The following ZNF385D variants were observed in gnomAD, a reference collection of about 807,000 sequenced individuals.
ZNF385D encodes the protein zinc finger protein 659.
A neutral mutation model predicts 35.8 loss-of-function variants in ZNF385D; 15 were observed. That is an observed-to-expected ratio of 0.42 (90% CI 0.28 to 0.64). ZNF385D has a LOEUF of 0.64. Among genes scored for constraint, ZNF385D ranks in the 30% least tolerant of loss-of-function variants. ZNF385D has a pLI of 0.23. For missense variants in ZNF385D, 474 were observed against 494.6 expected (o/e 0.96, Z 0.39); for synonymous variants, 212 against 186.8 (o/e 1.13, Z -1.10).
intron 4 of ZNF385D, among the ~76,000 whole-genome samples, chr3:21,445,842 C>G (rs906212111): frequency 6.6e-6 from 1 of 152,144 alleles, no homozygotes; most frequent in Non-Finnish European, 1.5e-5. Flanking sequence ...TATCATTGAC[C>G]TCCTAAGTGA....
intron 3 of ZNF385D, among the ~76,000 whole-genome samples, chr3:22,130,989 TA>T (rs199847673): frequency 3.2e-4 from 49 of 151,156 alleles, no homozygotes; most frequent in Admixed American, 9.2e-4. Context: ...AGATCCAGGC[TA>T]AAAAAAAATA....
At chr3:21,760,012 T>C (rs936019607) in intron 3 of ZNF385D, among the ~76,000 whole-genome samples, 2 of 152,188 alleles carry the variant, frequency 1.3e-5, no homozygotes, top group Non-Finnish European at 2.9e-5. Context: ...GGTGGAAATT[T>C]GTTTGGCTTC....
intron 3 of ZNF385D, among the ~76,000 whole-genome samples, chr3:22,016,689 C>T (rs1696907317): frequency 6.6e-6 from 1 of 151,890 alleles, no homozygotes; most frequent in African/African-American, 2.4e-5. Flanking sequence ...GGAGAGTAGC[C>T]CCGGAGAGTC....
At chr3:21,711,084 T>C (rs13313877) in intron 1 of ZNF385D, among the ~76,000 whole-genome samples, 24,106 of 134,786 alleles carry the variant, frequency 0.18, 2,553 homozygotes, top group Admixed American at 0.3. Flanking sequence ...CTCTGTCGCC[T>C]AGGATGGAGT....
intron 2 of ZNF385D, among the ~76,000 whole-genome samples, chr3:22,279,982 C>T (rs901926900): frequency 6.6e-6 from 1 of 151,992 alleles, no homozygotes; most frequent in African/African-American, 2.4e-5. Flanking sequence ...GCCATTCTTG[C>T]AGCATAAGGT....
chr3:22,266,813 G>C (rs185485753), intron 2 of ZNF385D, among the ~76,000 whole-genome samples: 1 of 151,916 alleles, frequency 6.6e-6, no homozygotes, highest in Admixed American at 6.6e-5. Flanking sequence ...AGTCCTGACT[G>C]TATGATGATG....
intron 2 of ZNF385D, among the ~76,000 whole-genome samples, chr3:22,274,247 T>C (rs192451176): frequency 6.6e-6 from 1 of 152,114 alleles, no homozygotes; most frequent in Admixed American, 6.6e-5. Flanking sequence ...ATACTACTTT[T>C]GTCTACCTAG....
At chr3:21,962,740 G>A (rs977102759) in intron 3 of ZNF385D, among the ~76,000 whole-genome samples, 6 of 152,082 alleles carry the variant, frequency 3.9e-5, no homozygotes, top group African/African-American at 9.7e-5. Flanking sequence ...TTCTTTTTCT[G>A]TCTTATAATT....
At chr3:21,752,753 C>T (rs1264608798), upstream of ZNF385D, among the ~76,000 whole-genome samples, 1 of 152,020 alleles carries the variant, frequency 6.6e-6, no homozygotes, top group Non-Finnish European at 1.5e-5. Flanking sequence ...AGGATATTAA[C>T]TTTTTTACTC....
rs186894524 is a variant in ZNF385D at position 22,105,923 on chromosome 3, C to A, written c.325+62894G>T. 5.1e-4 allele frequency among the ~76,000 whole-genome samples: 77 copies of A among 152,128 alleles called. 1 individual carries two copies. The East Asian group carries it at 5.2e-3, about 10-fold the overall frequency. On this transcript the variant is annotated intron_variant, in intron 3 of 5. Transcript: ENST00000494108. ...GTTATTTTTAAATCTGTGAATTTAT[C>A]TAATTTAATAGTACACATCTGTTAC...
chr3:22,346,493 C>T (rs1317761964), intron 2 of ZNF385D, among the ~76,000 whole-genome samples: 1 of 152,052 alleles, frequency 6.6e-6, no homozygotes, highest in Non-Finnish European at 1.5e-5. Flanking sequence ...CATTTTATCC[C>T]AAGAACAACT....
At chr3:22,026,206 AT>A (rs1167850647) in intron 3 of ZNF385D, among the ~76,000 whole-genome samples, 2 of 152,188 alleles carry the variant, frequency 1.3e-5, no homozygotes, top group African/African-American at 4.8e-5. Flanking sequence ...CAGAAGACTA[AT>A]TTTAATTATA....
chr3:21,695,626 T>C (rs1455747542), intron 1 of ZNF385D, among the ~76,000 whole-genome samples: 2 of 152,160 alleles, frequency 1.3e-5, no homozygotes, highest in Non-Finnish European at 2.9e-5. Context: ...TACCATGCTC[T>C]ACAACACCAT....
intron 3 of ZNF385D, among the ~76,000 whole-genome samples, chr3:22,140,171 T>C (rs1056418812): frequency 6.6e-6 from 1 of 152,196 alleles, no homozygotes; most frequent in South Asian, 2.1e-4. Flanking sequence ...CTTTGTAATA[T>C]TCAAAAGTCT....
At chr3:21,554,163 C>T (rs2062655965) in intron 3 of ZNF385D, among the ~76,000 whole-genome samples, 2 of 152,068 alleles carry the variant, frequency 1.3e-5, no homozygotes, top group South Asian at 4.1e-4. Flanking sequence ...GTAGCTATAG[C>T]CTTAAAAATA....
At chr3:21,980,845 C>T (rs193281071) in intron 3 of ZNF385D, among the ~76,000 whole-genome samples, 170 of 152,238 alleles carry the variant, frequency 1.1e-3, no homozygotes, top group African/African-American at 3.9e-3. Context: ...AGTTAGTTTG[C>T]TAAGGATAAT....
chr3:21,829,233 C>T (rs886149341), intron 3 of ZNF385D, among the ~76,000 whole-genome samples: 1 of 151,972 alleles, frequency 6.6e-6, no homozygotes, highest in Non-Finnish European at 1.5e-5. Flanking sequence ...TTTTAAAGGG[C>T]AAAGGAGAGT....
At chr3:22,067,680 T>C (rs889641525) in intron 3 of ZNF385D, among the ~76,000 whole-genome samples, 2 of 152,164 alleles carry the variant, frequency 1.3e-5, no homozygotes, top group African/African-American at 4.8e-5. Context: ...CTCCCAGAAC[T>C]TCAAATTATA....
At chr3:22,203,575 G>C (rs1022795542) in intron 2 of ZNF385D, among the ~76,000 whole-genome samples, 6 of 152,072 alleles carry the variant, frequency 3.9e-5, no homozygotes, top group African/African-American at 1.4e-4. Context: ...CTAGGCCTTG[G>C]CTCTTGGATG....
Sources: gnomAD v4.1 joint callset for allele counts (sites outside exome capture counted in the v4.1 genomes callset) on GRCh38, gnomAD v4.1.1 for gene constraint, MANE v1.5 for transcripts, NCBI Gene and HGNC (gene_info 2026-07-23, HGNC 2026-07-21) for gene names.